WWTR1: variants seen among roughly 807,000 people sequenced by gnomAD.
The protein encoded by WWTR1 is WW domain-containing transcription regulator protein 1.
Under a neutral mutation model 40.1 loss-of-function variants are expected in WWTR1, and 13 were observed. The observed-to-expected ratio is 0.32, with a 90% CI of 0.21 to 0.52. The LOEUF is 0.52. Among genes scored for constraint, WWTR1 ranks in the 20% least tolerant of loss-of-function variants. The pLI is 0.97. For synonymous variants in WWTR1, 230 were observed against 210.1 expected (o/e 1.09, Z -0.82); for missense variants, 436 against 523.1 (o/e 0.83, Z 1.63).
intron 2 of WWTR1, among the ~76,000 whole-genome samples, chr3:149,579,235 C>T (rs1329290110): frequency 6.6e-6 from 1 of 152,246 alleles, no homozygotes; most frequent in East Asian, 1.9e-4. Context: ...CATCAGGGCT[C>T]CCCTCCATCA....
At chr3:149,638,308 G>A (rs1179250410) in intron 2 of WWTR1, among the ~76,000 whole-genome samples, 1 of 152,072 alleles carries the variant, frequency 6.6e-6, no homozygotes, top group Non-Finnish European at 1.5e-5. Flanking sequence ...AATCGTTTAC[G>A]GAGCTTCCTT....
rs116040565 is a variant in WWTR1 at position 149,622,568 on chromosome 3, C to T, written c.431+34308G>A. Reference sequence around the variant, plus strand: ...AAAAGAAAGCAAGCAAGTGAGCGTGCGTCCAGGCGCAGTGGCTCACGCCTG... The same window carrying T: ...AAAAGAAAGCAAGCAAGTGAGCGTGTGTCCAGGCGCAGTGGCTCACGCCTG... On this transcript the variant is annotated intron_variant, in intron 2 of 6. Coordinates refer to ENST00000360632, the MANE Select transcript of WWTR1 (RefSeq NM_015472.6). Among the ~76,000 whole-genome samples the T allele has an allele frequency of 7.4e-3, 1,111 of 150,792 alleles. 13 individuals are homozygous for T. The highest frequency in any genetic ancestry group is 0.025 in the African/African-American group (1,012 of 41,080).
chr3:149,565,136 G>A (rs552471858), intron 3 of WWTR1, among the ~76,000 whole-genome samples: 93 of 151,668 alleles, frequency 6.1e-4, no homozygotes, highest in African/African-American at 2.1e-3. Context: ...GCAGTGAGCC[G>A]AGATCACACC....
intron 1 of WWTR1, among the ~76,000 whole-genome samples, chr3:149,689,394 A>G (rs1714748771): frequency 7.0e-6 from 1 of 143,392 alleles, no homozygotes; most frequent in Non-Finnish European, 1.5e-5. Flanking sequence ...AAAAAAAAAA[A>G]AAAAAAAGCA....
At chr3:149,580,033 G>A (rs1348684513) in intron 2 of WWTR1, among the ~76,000 whole-genome samples, 3 of 152,170 alleles carry the variant, frequency 2.0e-5, no homozygotes, top group South Asian at 2.1e-4. Context: ...GAGTCTTGCC[G>A]AAGACTTATA....
intron 2 of WWTR1, among the ~76,000 whole-genome samples, chr3:149,656,369 C>T (rs1202183092): frequency 6.6e-6 from 1 of 152,182 alleles, no homozygotes; most frequent in Non-Finnish European, 1.5e-5. Flanking sequence ...CAGCTGGGAG[C>T]ACTATGGCCT....
chr3:149,581,842 C>A (rs1374105822), intron 2 of WWTR1, among the ~76,000 whole-genome samples: 1 of 152,122 alleles, frequency 6.6e-6, no homozygotes, highest in African/African-American at 2.4e-5. Flanking sequence ...TCCCTCACGT[C>A]CTTCCCACTG....
chr3:149,579,626 A>G (rs2108010209), intron 2 of WWTR1, among the ~76,000 whole-genome samples: 1 of 152,314 alleles, frequency 6.6e-6, no homozygotes, highest in Admixed American at 6.5e-5. Context: ...AGCTTGGGCA[A>G]CATAAAAAGA....
intron 3 of WWTR1, among the ~76,000 whole-genome samples, chr3:149,555,124 T>C (rs923154108): frequency 6.6e-6 from 1 of 152,234 alleles, no homozygotes; most frequent in Non-Finnish European, 1.5e-5. Flanking sequence ...GTGCGAAGTA[T>C]GGCAGTTGCC....
chr3:149,665,392 AT>A (rs1301787360), intron 2 of WWTR1, among the ~76,000 whole-genome samples: 1 of 151,602 alleles, frequency 6.6e-6, no homozygotes, highest in Admixed American at 6.6e-5. Context: ...TGCCCAGTTA[AT>A]TTTTGTATTT....
At chr3:149,543,968 A>G (rs958067586) in intron 3 of WWTR1, among the ~76,000 whole-genome samples, 6 of 151,438 alleles carry the variant, frequency 4.0e-5, no homozygotes, top group African/African-American at 1.5e-4. Context: ...AGGTTTCACT[A>G]TGTTGCCTAG....
chr3:149,581,346 TAA>T (rs373655086), intron 2 of WWTR1, among the ~76,000 whole-genome samples: 9 of 141,486 alleles, frequency 6.4e-5, no homozygotes, highest in African/African-American at 7.8e-5. Flanking sequence ...CCAAAGCTAT[TAA>T]AAAAAAAAAA....
At chr3:149,719,354 AGAGACAGG>A (rs1157430307) in intron 4 of WWTR1, among the ~76,000 whole-genome samples, 5 of 151,738 alleles carry the variant, frequency 3.3e-5, no homozygotes, top group African/African-American at 1.2e-4. Flanking sequence ...TATTTTTAGT[AGAGACAGG>A]GTTTCACCAC....
At chr3:149,569,164 A>T (rs999379873) in intron 3 of WWTR1, among the ~76,000 whole-genome samples, 2 of 152,204 alleles carry the variant, frequency 1.3e-5, no homozygotes, top group African/African-American at 4.8e-5. Flanking sequence ...TCCTCACTGA[A>T]GGTAATGAAT....
rs373330023 is a variant in WWTR1, at chr3:149,527,949, C to G, written c.792G>C (p.Gln264His). 2 of 1,613,954 alleles carry G rather than the reference C, an allele frequency of 1.2e-6. No individual in the cohort carries two copies. Among genetic ancestry groups the G allele is most frequent in the African/African-American group, 2.7e-5 (2 of 74,928 alleles). ...LMRQEAALCR[Q>H]LPMEAETLAP... ...CAAGAGTCTCAGCTTCCATGGGGAG[C>G]TGTCGACAGAGGGCAGCTTCCTACA... The change falls in exon 5 of 7, where the codon CAG (glutamine) becomes CAC (histidine). Residue 264 changes from glutamine (Q) to histidine (H), a missense_variant. Physicochemically the swap from Gln to His is conservative, Grantham distance 24. Transcript: ENST00000360632.
intron 2 of WWTR1, among the ~76,000 whole-genome samples, chr3:149,601,228 T>C (rs528856031): frequency 6.6e-6 from 1 of 152,310 alleles, no homozygotes; most frequent in South Asian, 2.1e-4. Flanking sequence ...TCTCACTCTG[T>C]TGCCCAGGCT....
chr3:149,716,299 T>C (rs562933114), intron 5 of WWTR1, among the ~76,000 whole-genome samples: 29 of 151,960 alleles, frequency 1.9e-4, no homozygotes, highest in Non-Finnish European at 4.0e-4. Flanking sequence ...GGAGAATTGC[T>C]GGAACCTGGA....
chr3:149,701,183 T>C (rs998032433), intron 1 of WWTR1, among the ~76,000 whole-genome samples: 14 of 152,246 alleles, frequency 9.2e-5, no homozygotes, highest in African/African-American at 2.9e-4. Flanking sequence ...ACATTATAAT[T>C]TAAATCTAAT....
At position 149,702,492 on chromosome 3, in the gene WWTR1, T is replaced by C. The variant is rs532282882; in HGVS notation, c.-108+632A>G. ...ATTATTATTATTATTATTATTATTA[T>C]TTTCAGATTCAACATGGTTGTAATA... is the stretch of plus-strand genomic sequence containing the variant. On this transcript the variant is annotated intron_variant, in intron 1 of 7. Coordinates refer to the WWTR1 transcript ENST00000465804. The C allele has an allele frequency of 4.0e-5, 6 of 150,660 alleles. No homozygotes were observed. In the South Asian group the frequency reaches 8.4e-4, roughly 21 times the overall value. The allele number at this position is 150,660 out of a possible 1,614,324, so 9.3% of individuals were successfully genotyped here.
Sources: gnomAD v4.1 joint callset for allele counts (sites outside exome capture counted in the v4.1 genomes callset) on GRCh38, gnomAD v4.1.1 for gene constraint, MANE v1.5 for transcripts, NCBI Gene and HGNC (gene_info 2026-07-23, HGNC 2026-07-21) for gene names.